The following PRR12 variants were observed in gnomAD, a reference collection of about 807,000 sequenced individuals.
PRR12 encodes the protein proline-rich protein 12.
PRR12 carries 12 observed loss-of-function variants against 138.0 expected under a neutral mutation model. That is an observed-to-expected ratio of 0.09 (90% CI 0.06 to 0.14). The LOEUF (loss-of-function observed/expected upper bound fraction) is 0.14, where lower values mean the gene tolerates loss of function less well. PRR12 is among the 10% of genes least tolerant of loss of function. The pLI, the probability that PRR12 is intolerant of heterozygous loss-of-function variation, is 1.00. For missense variants in PRR12, 2,692 were observed against 2,861.3 expected (o/e 0.94, Z 1.35); for synonymous variants, 1,567 against 1,291.7 (o/e 1.21, Z -4.57).
rs777607542 is a variant in PRR12 at position 49,597,824 on chromosome 19, A to C, written c.3489A>C (p.Lys1163Asn). The change falls in exon 4 of 14, where the codon AAA (lysine) becomes AAC (asparagine). Residue 1163 changes from lysine (K) to asparagine (N), a missense_variant. Around this residue, in one of 11 missense-constraint regions of PRR12, gnomAD observed 326 missense variants for 344.2 expected, o/e 0.95. Coordinates refer to ENST00000418929, the MANE Select transcript of PRR12 (RefSeq NM_020719.3). The surrounding 1 kb of genome is among the most constrained non-coding windows in gnomAD (Gnocchi z 6.3). ...GTGGCCGCAAGCCCACGAAGGCGAA[A>C]CGTGATGGGCCACCCCGGCCACGGG... ...RRRGRKPTKA[K>N]RDGPPRPRGR... The C allele has an allele frequency of 9.1e-6, 14 of 1,533,016 alleles. No individual in the cohort carries two copies. In the East Asian group the frequency reaches 3.1e-4, roughly 33 times the overall value. 95.0% of individuals were successfully genotyped at this position (1,533,016 alleles called of 1,614,324 possible).
At position 49,615,878 on chromosome 19, in the gene PRR12, C is replaced by G; in HGVS notation, c.5156C>G (p.Pro1719Arg). 6.3e-7 allele frequency: 1 copy of G among 1,586,936 alleles called. No individual in the cohort carries two copies. The highest frequency in any genetic ancestry group is 8.6e-7 in the Non-Finnish European group (1 of 1,167,024). Residue 1719 changes from proline (P) to arginine (R), a missense_variant, in exon 9 of 14, where the codon CCT (proline) becomes CGT (arginine). This residue lies in a region of PRR12 where 259 missense variants were observed against 265.1 expected (regional missense o/e 0.98). Transcript: ENST00000418929. The stretch of plus-strand genomic sequence containing the variant: ...TCTGAGAAGCCCCCAGAGCAGACTC[C>G]TGAGACGGCCATGCCTGAGCCCCCT... The part of the protein sequence containing the change: ...TTSEKPPEQT[P>R]ETAMPEPPAP...
chr19:49,600,039 C>T (rs1342800924), intron 5 of PRR12, 101 bp downstream of exon 5: 2 of 1,221,418 alleles, frequency 1.6e-6, no homozygotes, highest in Non-Finnish European at 2.2e-6. Flanking sequence ...ACACCATTCA[C>T]ATACATGGTG....
At position 49,601,647 on chromosome 19, in the gene PRR12, T is replaced by TGCCGCC. The variant is rs1568425501; in HGVS notation, c.4506_4511dup (p.Pro1506_Pro1507dup). 3 of 1,535,666 alleles carry TGCCGCC rather than the reference T, an allele frequency of 2.0e-6. No individual in the cohort carries two copies. Among genetic ancestry groups the TGCCGCC allele is most frequent in the Admixed American group, 2.0e-5 (1 of 50,614 alleles). On this transcript the variant is annotated inframe_insertion, in exon 6 of 14. Coordinates refer to ENST00000418929, the MANE Select transcript of PRR12 (RefSeq NM_020719.3). ...CCCAGCTCACCACCGCCACCGCCGCTGCCGCCGCCACCTCCACCAGCCATG... is the reference window on the plus strand; with the variant it reads ...CCCAGCTCACCACCGCCACCGCCGCTGCCGCCGCCGCCGCCACCTCCACCAGCCATG...
In PRR12 at chr19:49,605,373, C is replaced by T. The variant is rs574944964; in HGVS notation, c.4773+3455C>T. 2.6e-5 allele frequency among the ~76,000 whole-genome samples: 4 copies of T among 152,056 alleles called. No individual in the cohort carries two copies. The East Asian group carries it at 7.8e-4, about 30-fold the overall frequency. On this transcript the variant is annotated intron_variant, in intron 6 of 13. Transcript: ENST00000418929. ...CACCTCCCGGGTTCAAGCGATTCTCCTGCCTCAGCCTCCCGAGTAGCTGGG... is the reference window on the plus strand; with the variant it reads ...CACCTCCCGGGTTCAAGCGATTCTCTTGCCTCAGCCTCCCGAGTAGCTGGG...
chr19:49,625,063 G>T lies in PRR12; in HGVS notation c.5869-42G>T, dbSNP rs1449564561. On this transcript the variant is annotated intron_variant, in intron 12 of 13. Transcript: ENST00000418929. The surrounding 1 kb of genome is among the most constrained non-coding windows in gnomAD (Gnocchi z 5.5). ...GGGAAGGGAGGAGAGGGGCTGCCAA[G>T]TGCCGGGCTGGAGGGGCTGAGGCAT... 6.2e-7 allele frequency: 1 copy of T among 1,612,430 alleles called. No homozygotes were observed. The highest frequency in any genetic ancestry group is 2.2e-5 in the East Asian group (1 of 44,858).
chr19:49,597,780 C>T lies in PRR12; in HGVS notation c.3445C>T (p.Pro1149Ser). The change falls in exon 4 of 14, where the codon CCC becomes TCC. Residue 1149 changes from proline to serine, a missense_variant. Physicochemically the swap from Pro to Ser is moderately conservative, Grantham distance 74. Coordinates refer to ENST00000418929, the MANE Select transcript of PRR12 (RefSeq NM_020719.3). The surrounding 1 kb of genome is among the most constrained non-coding windows in gnomAD (Gnocchi z 6.3). The part of the protein sequence containing the change: ...DIDFCPPNPG[P>S]DGPRRRGRKP... ...CGACTTCTGCCCACCCAACCCAGGA[C>T]CCGATGGCCCCCGGCGCCGTGGCCG... 2 of 1,591,520 alleles carry T rather than the reference C, an allele frequency of 1.3e-6. No individual in the cohort carries two copies. The highest frequency in any genetic ancestry group is 1.7e-6 in the Non-Finnish European group (2 of 1,169,520).
At chr19:49,608,839 C>T (rs2080851230) in intron 6 of PRR12, among the ~76,000 whole-genome samples, 1 of 149,068 alleles carries the variant, frequency 6.7e-6, no homozygotes, top group Admixed American at 6.6e-5. Context: ...GTGACCCTGT[C>T]TCAAAAAAAA....
intron 9 of PRR12, among the ~76,000 whole-genome samples, chr19:49,620,091 G>T (rs2080914188): frequency 1.3e-5 from 2 of 150,772 alleles, no homozygotes; most frequent in South Asian, 4.2e-4. Context: ...GACCTTAGGT[G>T]ATCTGCCTCG....
intron 6 of PRR12, among the ~76,000 whole-genome samples, chr19:49,603,697 C>A (rs867157048): frequency 1.3e-5 from 2 of 151,176 alleles, no homozygotes; most frequent in African/African-American, 2.4e-5. Context: ...GACTCCATCT[C>A]GAAAAAATAA....
intron 9 of PRR12, among the ~76,000 whole-genome samples, chr19:49,619,535 C>CTTTTTTTTTT (rs760207958): frequency 4.5e-5 from 3 of 67,140 alleles, no homozygotes; most frequent in African/African-American, 1.6e-4. Flanking sequence ...ATGCCCAGCC[C>CTTTTTTTTTT]TTTTTTTTTT....
intron 11 of PRR12, among the ~76,000 whole-genome samples, chr19:49,622,091 G>GT (rs1753801218): frequency 6.6e-6 from 1 of 152,180 alleles, no homozygotes; most frequent in Non-Finnish European, 1.5e-5. Flanking sequence ...GGATGTTAGT[G>GT]TGGCACTGAG....
rs760365970 is a variant in PRR12, at chr19:49,599,307, G to A, written c.3714G>A (p.Leu1238=). ...KLSVPKAGEG[L]GTSSGDAISG... ...CTGTGCCCAAGGCTGGCGAGGGTCT[G>A]GGAACCTCATCGGGTGATGCCATAT... The change falls in exon 5 of 14, where the codon CTG becomes CTA. Residue 1238 remains leucine, a synonymous_variant. Transcript: ENST00000418929. This position sits in a 1 kb window ranked among gnomAD's most constrained non-coding sequence, Gnocchi z 5.0. 4.7e-5 allele frequency: 76 copies of A among 1,611,614 alleles called. No homozygotes were observed. The highest frequency in any genetic ancestry group is 6.2e-5 in the Non-Finnish European group (73 of 1,178,932).
intron 9 of PRR12, among the ~76,000 whole-genome samples, chr19:49,618,194 G>A (rs117417784): frequency 2.0e-5 from 3 of 152,018 alleles, no homozygotes; most frequent in Non-Finnish European, 2.9e-5. Context: ...TGTTTGCCTT[G>A]TTGCTGGGGT....
intron 6 of PRR12, among the ~76,000 whole-genome samples, chr19:49,608,724 C>A (rs182694792): frequency 6.6e-6 from 1 of 151,892 alleles, no homozygotes; most frequent in African/African-American, 2.4e-5. Context: ...CCTGTAGTCC[C>A]GGCTACTGGA....
In PRR12 at chr19:49,591,416, T is replaced by A. The variant is rs1208525256; in HGVS notation, c.-239T>A. 3.0e-5 allele frequency among the ~76,000 whole-genome samples: 4 copies of A among 135,176 alleles called. No homozygotes were observed. Among genetic ancestry groups the A allele is most frequent in the African/African-American group, 1.1e-4 (4 of 34,978 alleles). 88.7% of individuals were successfully genotyped at this position (135,176 alleles called of 152,430 possible). On this transcript the variant is annotated 5_prime_UTR_variant, in exon 1 of 14. Coordinates refer to ENST00000418929, the MANE Select transcript of PRR12 (RefSeq NM_020719.3). The stretch of plus-strand genomic sequence containing the variant: ...TCCCTCCTCTAGGGGGAACCCCCCT[T>A]CCCCCTTCCTTGGCTCAGCGACTGC...
chr19:49,605,690 A>G (rs1413250714), intron 6 of PRR12, among the ~76,000 whole-genome samples: 5 of 152,238 alleles, frequency 3.3e-5, no homozygotes, highest in African/African-American at 9.6e-5. Context: ...CATTTTACAG[A>G]TGGGGAAGTT....
chr19:49,591,993 G>C (rs1018246272), intron 1 of PRR12, among the ~76,000 whole-genome samples: 42 of 152,290 alleles, frequency 2.8e-4, no homozygotes, highest in African/African-American at 8.2e-4. Flanking sequence ...AATTTCGGAC[G>C]GGAAGGCCTT....
intron 6 of PRR12, among the ~76,000 whole-genome samples, chr19:49,602,327 C>A (rs2080816840): frequency 6.6e-6 from 1 of 152,102 alleles, no homozygotes; most frequent in Non-Finnish European, 1.5e-5. Context: ...GGCTGCTTTG[C>A]CATTTATGGC....
At position 49,595,535 on chromosome 19, in the gene PRR12, C is replaced by G. The variant is rs775705040; in HGVS notation, c.1200C>G (p.Ala400=). 6.3e-7 allele frequency: 1 copy of G among 1,578,796 alleles called. No homozygotes were observed. Among genetic ancestry groups the G allele is most frequent in the Non-Finnish European group, 8.6e-7 (1 of 1,163,308 alleles). ...GCAAAGGTGGTTATGGAGCAGCTGC[C>G]GGGGGTGCCACCAGGCCCCCCCCAC... is the stretch of plus-strand genomic sequence containing the variant. ...KTGKGGYGAA[A]GGATRPPPPR... is the part of the protein sequence containing the mutation. The change falls in exon 4 of 14, where the codon GCC becomes GCG. Residue 400 remains alanine (A), a synonymous_variant. Transcript: ENST00000418929.
Sources: allele counts gnomAD v4.1 joint callset (sites outside exome capture counted in the v4.1 genomes callset), GRCh38; gene constraint gnomAD v4.1.1; regional missense constraint gnomAD v4.1.1; non-coding constraint Gnocchi (gnomAD v3.1); transcripts MANE v1.5; gene names NCBI Gene and HGNC (gene_info 2026-07-23, HGNC 2026-07-21).